The following LOC128462377 variants were observed in gnomAD, a reference collection of about 807,000 sequenced individuals.
chr16:89,357,113 G>A, the LOC128462377 span, among the ~76,000 whole-genome samples: 2 of 152,220 alleles, frequency 1.3e-5, no homozygotes. Context: ...TCTGTAGGAG[G>A]GACAGTGTAA....
the LOC128462377 span, among the ~76,000 whole-genome samples, chr16:89,382,406 A>C: frequency 6.6e-6 from 1 of 151,862 alleles, no homozygotes; most frequent in Non-Finnish European, 1.5e-5. Context: ...GCTCACTGCC[A>C]CCTCCGCCTC....
the LOC128462377 span, among the ~76,000 whole-genome samples, chr16:89,391,082 GC>G: frequency 6.6e-6 from 1 of 152,126 alleles, no homozygotes; most frequent in Non-Finnish European, 1.5e-5. Context: ...CAAAAAATTA[GC>G]CGGGCGCGGT....
chr16:89,407,170 A>T, the LOC128462377 span, among the ~76,000 whole-genome samples: 1 of 151,864 alleles, frequency 6.6e-6, no homozygotes, highest in African/African-American at 2.4e-5. Flanking sequence ...GGGCAACAAG[A>T]GCGAAACCCC....
At chr16:89,336,117 C>T in the LOC128462377 span, among the ~76,000 whole-genome samples, 2 of 152,214 alleles carry the variant, frequency 1.3e-5, no homozygotes, top group Non-Finnish European at 2.9e-5. Flanking sequence ...TTCAGCCACA[C>T]GGTTTTCTGC....
the LOC128462377 span, among the ~76,000 whole-genome samples, chr16:89,367,415 C>T: frequency 6.6e-6 from 1 of 152,192 alleles, no homozygotes; most frequent in Non-Finnish European, 1.5e-5. Flanking sequence ...CAACCTTAGC[C>T]GGCAACTCAG....
chr16:89,369,058 C>T, the LOC128462377 span, among the ~76,000 whole-genome samples: 2 of 152,238 alleles, frequency 1.3e-5, no homozygotes, highest in Admixed American at 6.5e-5. Context: ...CCCATTCCTC[C>T]ACAGCAAGCC....
At chr16:89,417,458 C>T in the LOC128462377 span, among the ~76,000 whole-genome samples, 1 of 152,132 alleles carries the variant, frequency 6.6e-6, no homozygotes, top group African/African-American at 2.4e-5. Context: ...GGACTCTGCC[C>T]TACAGCGACA....
chr16:89,335,581 G>T, the LOC128462377 span, among the ~76,000 whole-genome samples: 1 of 152,200 alleles, frequency 6.6e-6, no homozygotes, highest in African/African-American at 2.4e-5. Flanking sequence ...AACAGCGAGT[G>T]ACGTCGCTTT....
chr16:89,364,391 A>G, the LOC128462377 span, among the ~76,000 whole-genome samples: 4 of 152,242 alleles, frequency 2.6e-5, no homozygotes, highest in Admixed American at 2.6e-4. Context: ...TTACACCGCA[A>G]TAGGTAACTG....
chr16:89,329,586 A>G, the LOC128462377 span, among the ~76,000 whole-genome samples: 1 of 150,812 alleles, frequency 6.6e-6, no homozygotes, highest in African/African-American at 2.5e-5. Context: ...ATTAACTAGA[A>G]ACAGAAAAAA....
chr16:89,346,250 G>GAAAAAAAAAAAAAAAAAA, the LOC128462377 span, among the ~76,000 whole-genome samples: 1 of 96,880 alleles, frequency 1.0e-5, no homozygotes. Flanking sequence ...CCCGTCTCAG[G>GAAAAAAAAAAAAAAAAAA]AAAAAAAAAA....
chr16:89,364,973 T>G, the LOC128462377 span, among the ~76,000 whole-genome samples: 1 of 152,346 alleles, frequency 6.6e-6, no homozygotes, highest in South Asian at 2.1e-4. Flanking sequence ...TTTTCAAATT[T>G]TGGCATGGAA....
chr16:89,357,148 C>G, the LOC128462377 span, among the ~76,000 whole-genome samples: 1 of 152,216 alleles, frequency 6.6e-6, no homozygotes, highest in Non-Finnish European at 1.5e-5. Context: ...TCTAGGGGCA[C>G]TGCTCAGAGG....
At chr16:89,409,102 C>T in the LOC128462377 span, among the ~76,000 whole-genome samples, 1 of 152,182 alleles carries the variant, frequency 6.6e-6, no homozygotes, top group African/African-American at 2.4e-5. Flanking sequence ...GGGGCCCAGG[C>T]CAGTGAGCCC....
chr16:89,318,607 C>A, the LOC128462377 span, among the ~76,000 whole-genome samples: 2 of 152,220 alleles, frequency 1.3e-5, no homozygotes, highest in African/African-American at 4.8e-5. Context: ...CCACCTCCAC[C>A]CCGTCAGCTA....
the LOC128462377 span, among the ~76,000 whole-genome samples, chr16:89,332,129 A>C: frequency 3.3e-5 from 5 of 151,156 alleles, no homozygotes; most frequent in African/African-American, 1.2e-4. Context: ...CTCCATATTA[A>C]AAAAAAAAGA....
the LOC128462377 span, among the ~76,000 whole-genome samples, chr16:89,384,398 G>A: frequency 7.2e-5 from 11 of 152,274 alleles, no homozygotes; most frequent in African/African-American, 2.6e-4. Flanking sequence ...AGGCGTAGTG[G>A]TGCATGGCTG....
chr16:89,373,734 T>C, the LOC128462377 span, among the ~76,000 whole-genome samples: 3 of 152,172 alleles, frequency 2.0e-5, no homozygotes, highest in Non-Finnish European at 2.9e-5. Flanking sequence ...GCGGGAGGCA[T>C]GCACACGACA....
At chr16:89,365,399 G>A in the LOC128462377 span, among the ~76,000 whole-genome samples, 1 of 152,150 alleles carries the variant, frequency 6.6e-6, no homozygotes, top group Non-Finnish European at 1.5e-5. Flanking sequence ...GACATCCTTG[G>A]CCACACAAGA....
Sources: gnomAD v4.1 joint callset for allele counts (sites outside exome capture counted in the v4.1 genomes callset) on GRCh38, gnomAD v4.1.1 for gene constraint, MANE v1.5 for transcripts.